The following MRPL1 variants were observed in gnomAD, a reference collection of about 807,000 sequenced individuals.
MRPL1 encodes the protein mitochondrial ribosomal protein L1, also known as large ribosomal subunit protein uL1m.
Under a neutral mutation model 38.0 loss-of-function variants are expected in MRPL1, and 28 were observed. The observed-to-expected ratio is 0.74, with a 90% CI of 0.55 to 1.01. MRPL1 has a LOEUF of 1.01. Among genes scored for constraint, MRPL1 ranks in the 50% least tolerant of loss-of-function variants. The probability of loss-of-function intolerance (pLI) is 0.00; values close to 1 mark genes in which losing one functional copy is unlikely to be tolerated. For synonymous variants in MRPL1, 123 were observed against 126.7 expected, an observed-to-expected ratio of 0.97 and a Z score of 0.20; for missense variants, 358 against 389.8, an observed-to-expected ratio of 0.92 and a Z score of 0.69.
chr4:77,949,901 A>G (rs1283457283), intron 8 of MRPL1, 23 bp downstream of exon 8: 2 of 1,495,612 alleles, frequency 1.3e-6, no homozygotes, highest in Non-Finnish European at 1.9e-6. Flanking sequence ...CTGAGGGTAG[A>G]CTTCCCTATG....
At chr4:77,899,769 G>A (rs1270166312) in intron 6 of MRPL1, among the ~76,000 whole-genome samples, 2 of 152,144 alleles carry the variant, frequency 1.3e-5, no homozygotes, top group African/African-American at 2.4e-5. Flanking sequence ...GGAAAAGAAA[G>A]TGAAAGGAAG....
chr4:77,944,127 G>C (rs1445666456), intron 7 of MRPL1, among the ~76,000 whole-genome samples: 1 of 152,184 alleles, frequency 6.6e-6, no homozygotes, highest in African/African-American at 2.4e-5. Context: ...GGATTCCTGA[G>C]AGCCAAACTG....
intron 7 of MRPL1, among the ~76,000 whole-genome samples, chr4:77,912,750 C>T (rs1240442120): frequency 6.6e-6 from 1 of 151,932 alleles, no homozygotes; most frequent in Non-Finnish European, 1.5e-5. Context: ...GCTAAGACAA[C>T]TTTTTTGAAA....
intron 7 of MRPL1, among the ~76,000 whole-genome samples, chr4:77,925,093 T>C (rs1431634281): frequency 6.6e-6 from 1 of 152,178 alleles, no homozygotes; most frequent in Non-Finnish European, 1.5e-5. Flanking sequence ...ACTAGATTAC[T>C]TACAGAAACT....
At chr4:77,918,081 A>G (rs1484196390) in intron 7 of MRPL1, among the ~76,000 whole-genome samples, 1 of 151,266 alleles carries the variant, frequency 6.6e-6, no homozygotes, top group African/African-American at 2.4e-5. Flanking sequence ...GTATGTGTTT[A>G]TATATATACA....
At chr4:77,938,748 T>C (rs1390175932) in intron 7 of MRPL1, among the ~76,000 whole-genome samples, 1 of 152,148 alleles carries the variant, frequency 6.6e-6, no homozygotes, top group Non-Finnish European at 1.5e-5. Context: ...CCCCTAGTGG[T>C]TGCTCTCCAC....
Position 77,949,868 on chromosome 4 carries a change from G to A in MRPL1, c.849G>A (p.Pro283=), listed in dbSNP as rs763414596. ...AVINEVCRHR[P]LNLGPFVVRA... ...TTAATGAAGTTTGTAGGCACAGACC[G>A]CTGAATTTGGGTAAGTGGTTTGCTG... Residue 283 remains proline (P), a synonymous_variant, in exon 8 of 9, where the codon CCG becomes CCA. Transcript: ENST00000315567. 22 of 1,605,576 alleles carry A rather than the reference G, an allele frequency of 1.4e-5. No individual in the cohort carries two copies. The Admixed American group carries it at 1.5e-4, about 11-fold the overall frequency.
chr4:77,888,449 G>T (rs1735732325), intron 5 of MRPL1, among the ~76,000 whole-genome samples: 1 of 152,160 alleles, frequency 6.6e-6, no homozygotes, highest in Non-Finnish European at 1.5e-5. Flanking sequence ...AGTTTGCAGT[G>T]AGCCGAGATT....
At chr4:77,946,396 A>C (rs1418245296) in intron 7 of MRPL1, among the ~76,000 whole-genome samples, 1 of 152,016 alleles carries the variant, frequency 6.6e-6, no homozygotes, top group African/African-American at 2.4e-5. Context: ...CAATTTGTAC[A>C]GTTAATGCAG....
intron 6 of MRPL1, among the ~76,000 whole-genome samples, chr4:77,898,559 C>T (rs945606549): frequency 2.6e-5 from 4 of 151,576 alleles, no homozygotes; most frequent in African/African-American, 4.8e-5. Flanking sequence ...TGGCACATCT[C>T]GGCTCACTGC....
intron 7 of MRPL1, among the ~76,000 whole-genome samples, chr4:77,927,669 A>C (rs1042931434): frequency 1.3e-5 from 2 of 152,042 alleles, no homozygotes; most frequent in Non-Finnish European, 2.9e-5. Context: ...AAAAATGATA[A>C]AAATTTCACT....
intron 7 of MRPL1, among the ~76,000 whole-genome samples, chr4:77,929,533 A>G (rs1440302061): frequency 6.6e-6 from 1 of 152,208 alleles, no homozygotes; most frequent in Non-Finnish European, 1.5e-5. Context: ...GCTTTATCAT[A>G]AATAATGATA....
At chr4:77,869,340 C>A (rs553787301) in intron 1 of MRPL1, among the ~76,000 whole-genome samples, 133 of 152,082 alleles carry the variant, frequency 8.7e-4, no homozygotes, top group African/African-American at 3.0e-3. Context: ...TCTGAAGTAG[C>A]AAGTGAGGTT....
chr4:77,888,819 C>T (rs983476826), intron 5 of MRPL1, among the ~76,000 whole-genome samples: 8 of 152,014 alleles, frequency 5.3e-5, no homozygotes, highest in African/African-American at 1.5e-4. Context: ...CCCATTAACT[C>T]GTCATTTACA....
intron 1 of MRPL1, chr4:77,864,486 T>A (rs1306962356): frequency 6.6e-6 from 1 of 152,210 alleles, no homozygotes; most frequent in African/African-American, 2.4e-5. Flanking sequence ...AATTGTTTAC[T>A]TATCAGGAGA....
At chr4:77,873,680 T>C (rs574876211) in intron 2 of MRPL1, among the ~76,000 whole-genome samples, 4 of 152,346 alleles carry the variant, frequency 2.6e-5, no homozygotes, top group Admixed American at 2.6e-4. Flanking sequence ...AATGATGATA[T>C]GAAGATGAAC....
At chr4:77,926,353 C>T (rs545394923) in intron 7 of MRPL1, among the ~76,000 whole-genome samples, 1 of 152,270 alleles carries the variant, frequency 6.6e-6, no homozygotes, top group South Asian at 2.1e-4. Flanking sequence ...CATTTCTCTT[C>T]CTTGATTTAG....
chr4:77,862,911 G>A (rs556502787), intron 1 of MRPL1, 32 bp downstream of exon 1: 2 of 1,614,018 alleles, frequency 1.2e-6, no homozygotes, highest in African/African-American at 2.7e-5. Context: ...CAGGGGAAAT[G>A]GCTCTGGCAC....
chr4:77,892,122 C>A (rs1034951172), intron 5 of MRPL1, among the ~76,000 whole-genome samples: 1 of 126,102 alleles, frequency 7.9e-6, no homozygotes, highest in Non-Finnish European at 1.7e-5. Context: ...TTTATGTAGT[C>A]ATTTCTTTTT....
Sources: gnomAD v4.1 joint callset for allele counts (sites outside exome capture counted in the v4.1 genomes callset) on GRCh38, gnomAD v4.1.1 for gene constraint, MANE v1.5 for transcripts, NCBI Gene and HGNC (gene_info 2026-07-23, HGNC 2026-07-21) for gene names.